A2M: variants seen among roughly 807,000 people sequenced by gnomAD.
A2M encodes the protein alpha-2-macroglobulin, also known as C3 and PZP-like alpha-2-macroglobulin domain-containing protein 5.
Under a neutral mutation model 183.9 loss-of-function variants are expected in A2M, and 128 were observed. The ratio of observed to expected loss-of-function variants is 0.70; its 90% CI spans 0.60 to 0.81. The LOEUF is 0.81. Ranked by LOEUF, A2M falls within the 30% of genes least tolerant of loss-of-function variation. The pLI is 0.00. For synonymous variants in A2M, 592 were observed against 670.8 expected (o/e 0.88, Z 1.81); for missense variants, 1,495 against 1,787.6 (o/e 0.84, Z 2.95).
Position 9,074,797 on chromosome 12 carries a change from A to G in A2M, c.3533-14T>C. 1 of 1,593,554 alleles carries G rather than the reference A, an allele frequency of 6.3e-7. No homozygotes were observed. Among genetic ancestry groups the G allele is most frequent in the East Asian group, 2.3e-5 (1 of 43,782 alleles). ...GGACAGAGTTGTCTTAAAGATGAGA[A>G]AAAGATATTTATAAGTGCCTACATA... On this transcript the variant is annotated splice_polypyrimidine_tract_variant and intron_variant, in intron 28 of 35. Transcript: ENST00000318602.
At chr12:9,098,129 G>A (rs1023233493) in intron 15 of A2M, among the ~76,000 whole-genome samples, 7 of 152,040 alleles carry the variant, frequency 4.6e-5, no homozygotes, top group Non-Finnish European at 2.9e-5. Flanking sequence ...TATAATTTTC[G>A]AACGGCTTCC....
intron 7 of A2M, among the ~76,000 whole-genome samples, chr12:9,107,911 T>A (rs1352974293): frequency 6.6e-6 from 1 of 151,934 alleles, no homozygotes; most frequent in African/African-American, 2.4e-5. Flanking sequence ...GTCTTTCTTA[T>A]TATAAAACTT....
intron 6 of A2M, 98 bp downstream of exon 6, chr12:9,109,769 C>T: frequency 8.2e-7 from 1 of 1,212,850 alleles, no homozygotes; most frequent in Non-Finnish European, 1.1e-6. Flanking sequence ...CAATGTCACC[C>T]ATGGGAAATG....
intron 4 of A2M, 79 bp downstream of exon 4, chr12:9,112,080 G>T: frequency 7.4e-7 from 1 of 1,358,298 alleles, no homozygotes; most frequent in Non-Finnish European, 1.1e-6. Flanking sequence ...TCCTCTCCCT[G>T]GTCTTCCCTC....
chr12:9,093,745 G>A (rs1316454530), intron 17 of A2M, among the ~76,000 whole-genome samples, 166 bp from the exon 18 acceptor site: 2 of 152,064 alleles, frequency 1.3e-5, no homozygotes, highest in East Asian at 3.9e-4. Context: ...TCTTTGAGGA[G>A]GAAATATGTT....
intron 32 of A2M, among the ~76,000 whole-genome samples, chr12:9,070,089 G>A (rs1250420833): frequency 6.6e-6 from 1 of 152,156 alleles, no homozygotes; most frequent in African/African-American, 2.4e-5. Context: ...GTTCAATTCA[G>A]TTTCTATTTC....
At chr12:9,090,520 G>C in intron 19 of A2M, 38 bp from the exon 20 acceptor site, 1 of 1,605,144 alleles carries the variant, frequency 6.2e-7, no homozygotes. Flanking sequence ...GAGAGGGAAG[G>C]AGAACAGAGG....
chr12:9,106,435 G>A (rs1034413264), intron 9 of A2M, 56 bp downstream of exon 9: 75 of 1,430,662 alleles, frequency 5.2e-5, no homozygotes, highest in Non-Finnish European at 5.1e-5. Flanking sequence ...TTCATTATTT[G>A]GCTAAGAAAA....
At position 9,107,663 on chromosome 12, in the gene A2M, C is replaced by G. The variant is rs1261573505; in HGVS notation, c.759-19G>C. 1.1e-5 allele frequency: 18 copies of G among 1,612,226 alleles called. No homozygotes were observed. The highest frequency in any genetic ancestry group is 5.3e-5 in the African/African-American group (4 of 74,852). ...TGTGTATCTGTCATGAGAACATTCCCAAAGGAATCAGAGCAGACACTGAAC... is the reference window on the plus strand; with the variant it reads ...TGTGTATCTGTCATGAGAACATTCCGAAAGGAATCAGAGCAGACACTGAAC... On this transcript the variant is annotated intron_variant, in intron 7 of 35. Transcript: ENST00000318602.
intron 28 of A2M, among the ~76,000 whole-genome samples, chr12:9,075,140 T>A (rs762846818): frequency 6.6e-6 from 1 of 152,314 alleles, no homozygotes; most frequent in Non-Finnish European, 1.5e-5. Flanking sequence ...ATAAAGTGTG[T>A]CTTTATCAGT....
intron 27 of A2M, 126 bp downstream of exon 27, chr12:9,077,220 A>G: frequency 2.1e-6 from 2 of 938,566 alleles, no homozygotes; most frequent in Non-Finnish European, 3.2e-6. Flanking sequence ...AGATCTGGGA[A>G]GCACTGGCAT....
intron 7 of A2M, among the ~76,000 whole-genome samples, chr12:9,108,845 G>A (rs771929250): frequency 1.3e-5 from 2 of 152,350 alleles, no homozygotes; most frequent in Non-Finnish European, 2.9e-5. Flanking sequence ...TGAGATTTCA[G>A]TTGTATGCCT....
intron 17 of A2M, among the ~76,000 whole-genome samples, chr12:9,094,343 A>ATG (rs1949304638): frequency 1.4e-5 from 1 of 72,502 alleles, no homozygotes; most frequent in Non-Finnish European, 3.1e-5. Context: ...AATTGTGCAT[A>ATG]TATATATATA....
In A2M at chr12:9,076,789, G is replaced by A. The variant is rs767403283; in HGVS notation, c.3499C>T (p.Leu1167Phe). 3 of 1,613,958 alleles carry A rather than the reference G, an allele frequency of 1.9e-6. No homozygotes were observed. Among genetic ancestry groups the A allele is most frequent in the East Asian group, 2.2e-5 (1 of 44,880 alleles). The change falls in exon 28 of 36, where the codon CTC (leucine) becomes TTC (phenylalanine). Residue 1167 changes from leucine to phenylalanine, a missense_variant. Leu to Phe is a conservative substitution (Grantham distance 22). Coordinates refer to ENST00000318602, the MANE Select transcript of A2M (RefSeq NM_000014.6). ...ACAGCTTCCTCATTAAGTGACTTGAGTACTTCCTTCCTCTTGTCCTGGTTA... is the reference window on the plus strand; with the variant it reads ...ACAGCTTCCTCATTAAGTGACTTGAATACTTCCTTCCTCTTGTCCTGGTTA... ...AGNQDKRKEV[L>F]KSLNEEAVKK...
At chr12:9,089,337 AGTG>A in intron 21 of A2M, 86 bp from the exon 22 acceptor site, 1 of 954,542 alleles carries the variant, frequency 1.0e-6, no homozygotes, top group South Asian at 1.4e-5. Flanking sequence ...ATATTTGGAT[AGTG>A]AAGAGAAGGA....
chr12:9,069,057 A>G (rs1948482594), intron 33 of A2M: 2 of 432,158 alleles, frequency 4.6e-6, no homozygotes, highest in Non-Finnish European at 8.2e-6. Context: ...ACCTCTGTCA[A>G]TGCCAATACA....
chr12:9,095,951 G>C (rs1232708092), intron 15 of A2M, among the ~76,000 whole-genome samples: 1 of 150,788 alleles, frequency 6.6e-6, no homozygotes, highest in Non-Finnish European at 1.5e-5. Flanking sequence ...AGTAGAGACG[G>C]GGTTTCACCT....
chr12:9,098,714 G>T lies in A2M; in HGVS notation c.1744C>A (p.His582Asn). The T allele has an allele frequency of 6.2e-7, 1 of 1,612,870 alleles. No homozygotes were observed. The highest frequency in any genetic ancestry group is 1.1e-5 in the South Asian group (1 of 90,386). ...FSPSQSLPASHAHLRVTAAPQ... is the reference protein window; with the variant it reads ...FSPSQSLPASNAHLRVTAAPQ... ...GCCGCTGTGACTCGCAGGTGGGCGT[G>T]TGAGGCTGGGAGACTTTGTGATGGG... The change falls in exon 15 of 36, where the codon CAC becomes AAC. Residue 582 changes from histidine to asparagine, a missense_variant. His to Asn is a moderately conservative substitution (Grantham distance 68). Coordinates refer to ENST00000318602, the MANE Select transcript of A2M (RefSeq NM_000014.6).
Position 9,091,195 on chromosome 12 carries a change from C to T in A2M, c.2469+6G>A. 2 of 1,612,588 alleles carry T rather than the reference C, an allele frequency of 1.2e-6. No homozygotes were observed. Among genetic ancestry groups the T allele is most frequent in the Non-Finnish European group, 1.7e-6 (2 of 1,178,698 alleles). The stretch of plus-strand genomic sequence containing the variant: ...CTTGTATTTAATTTAGGAAAGAGAT[C>T]CTTACCCGGATGCATTTGGGAAGGT... On this transcript the variant is annotated splice_donor_region_variant and intron_variant, in intron 19 of 35. Coordinates refer to ENST00000318602, the MANE Select transcript of A2M (RefSeq NM_000014.6).
Sources: gnomAD v4.1 joint callset for allele counts (sites outside exome capture counted in the v4.1 genomes callset) on GRCh38, gnomAD v4.1.1 for gene constraint, MANE v1.5 for transcripts, NCBI Gene and HGNC (gene_info 2026-07-23, HGNC 2026-07-21) for gene names.